THSD4: variants seen among roughly 807,000 people sequenced by gnomAD.
THSD4 encodes the protein thrombospondin type 1 domain containing 4.
In THSD4, 69 loss-of-function variants were observed where a neutral mutation model predicts 119.0. The ratio of observed to expected loss-of-function variants is 0.58; its 90% CI spans 0.48 to 0.71. THSD4 has a LOEUF of 0.71. THSD4 is among the 30% of genes least tolerant of loss of function. The pLI, the probability that THSD4 is intolerant of heterozygous loss-of-function variation, is 0.00. For synonymous variants in THSD4, 524 were observed against 540.4 expected (o/e 0.97, Z 0.42); for missense variants, 1,393 against 1,391.1 (o/e 1.00, Z -0.02).
chr15:71,396,141 T>C (rs1221991436), intron 6 of THSD4, among the ~76,000 whole-genome samples: 1 of 152,138 alleles, frequency 6.6e-6, no homozygotes, highest in Non-Finnish European at 1.5e-5. Flanking sequence ...TATCTACATA[T>C]ACATGTATAC....
chr15:71,366,559 A>C (rs2045968409), intron 6 of THSD4, among the ~76,000 whole-genome samples: 1 of 151,858 alleles, frequency 6.6e-6, no homozygotes, highest in South Asian at 2.1e-4. Flanking sequence ...CACATGTTGC[A>C]TTTTCCTCTG....
In THSD4 at chr15:71,143,518, G is replaced by A. The variant is rs561110575; in HGVS notation, c.29+1962G>A. Among the ~76,000 whole-genome samples the A allele has an allele frequency of 4.4e-4, 67 of 152,028 alleles. 2 individuals are homozygous for A. The South Asian group carries it at 0.013, about 29-fold the overall frequency. On this transcript the variant is annotated intron_variant, in intron 2 of 17. Transcript: ENST00000261862. ...AGGGCAAGCAGATTATGAAAGGTAG[G>A]TTCGCCATGTGCTAAGCTTGTGTAA... is the stretch of plus-strand genomic sequence containing the variant.
chr15:71,113,335 C>G (rs192927548), upstream of THSD4, among the ~76,000 whole-genome samples: 372 of 152,216 alleles, frequency 2.4e-3, 1 homozygote, highest in Non-Finnish European at 3.6e-3. Flanking sequence ...CTAGGTCTGT[C>G]GAATCAAGTT....
At chr15:71,644,179 G>A (rs892929906) in intron 7 of THSD4, among the ~76,000 whole-genome samples, 1 of 152,142 alleles carries the variant, frequency 6.6e-6, no homozygotes, top group African/African-American at 2.4e-5. Flanking sequence ...AACTGATTGT[G>A]GTTAAACCAG....
intron 7 of THSD4, among the ~76,000 whole-genome samples, chr15:71,501,398 G>A (rs1255240644): frequency 6.6e-6 from 1 of 152,176 alleles, no homozygotes; most frequent in Non-Finnish European, 1.5e-5. Flanking sequence ...CTAGTACATG[G>A]CAGAAGCTGG....
At chr15:71,394,050 A>C (rs1186944590) in intron 6 of THSD4, among the ~76,000 whole-genome samples, 2 of 151,542 alleles carry the variant, frequency 1.3e-5, no homozygotes, top group Non-Finnish European at 2.9e-5. Flanking sequence ...CAGGATGCCC[A>C]GTTAAATGTG....
chr15:71,297,250 C>T (rs1396723660), intron 6 of THSD4, among the ~76,000 whole-genome samples: 3 of 150,756 alleles, frequency 2.0e-5, no homozygotes, highest in African/African-American at 7.3e-5. Flanking sequence ...TTTTTGTGTG[C>T]TTATTGGCCA....
intron 7 of THSD4, among the ~76,000 whole-genome samples, chr15:71,596,925 G>A (rs1030988779): frequency 1.3e-5 from 2 of 152,194 alleles, no homozygotes; most frequent in Non-Finnish European, 2.9e-5. Context: ...GTGTGGGGAA[G>A]AAGGAAAGCA....
rs1445264368 is a variant in THSD4 at position 71,636,929 on chromosome 15, G to A, written c.1153-23601G>A. ...AGACAAGGTCTCACTCTGTCACCCA[G>A]GCTGGAGTGCAGTGGTGTGATCTCG... On this transcript the variant is annotated intron_variant, in intron 7 of 17. Transcript: ENST00000261862. Among the ~76,000 whole-genome samples, 9 of 151,496 alleles carry A rather than the reference G, an allele frequency of 5.9e-5. 1 individual carries two copies.
intron 8 of THSD4, among the ~76,000 whole-genome samples, chr15:71,665,118 A>G (rs2051391174): frequency 6.6e-6 from 1 of 152,202 alleles, no homozygotes; most frequent in Non-Finnish European, 1.5e-5. Context: ...GCAACAGTGT[A>G]TAAGTGTTTC....
chr15:71,380,597 C>T (rs1028414422), intron 6 of THSD4, among the ~76,000 whole-genome samples: 1 of 152,002 alleles, frequency 6.6e-6, no homozygotes, highest in African/African-American at 2.4e-5. Flanking sequence ...TCAAACAAAC[C>T]AAACTTCTGG....
chr15:71,132,904 A>G (rs2040516784), intron 1 of THSD4, among the ~76,000 whole-genome samples: 1 of 152,344 alleles, frequency 6.6e-6, no homozygotes, highest in East Asian at 1.9e-4. Context: ...ATTGGAAAGC[A>G]GGAAGGAAGG....
At chr15:71,734,523 A>C (rs528629338) in intron 10 of THSD4, among the ~76,000 whole-genome samples, 36 of 152,156 alleles carry the variant, frequency 2.4e-4, no homozygotes, top group Non-Finnish European at 5.0e-4. Flanking sequence ...TGGAACAGGG[A>C]GGATTTCAGG....
At chr15:71,350,428 G>A (rs1185902288) in intron 6 of THSD4, among the ~76,000 whole-genome samples, 1 of 151,914 alleles carries the variant, frequency 6.6e-6, no homozygotes, top group Non-Finnish European at 1.5e-5. Flanking sequence ...ACCCTTTACT[G>A]GGAATCAGGA....
In THSD4 at chr15:71,728,690, C is replaced by T. The variant is rs747075094; in HGVS notation, c.1499C>T (p.Ala500Val). Reference sequence around the variant, plus strand: ...AGCACTGCCGGAGAGTCCTTTTTGGCGGAAGGTCCCACCAACGAGATCTTG... The same window carrying T: ...AGCACTGCCGGAGAGTCCTTTTTGGTGGAAGGTCCCACCAACGAGATCTTG... ...ISSTAGESFL[A>V]EGPTNEILDV... is the part of the protein sequence containing the mutation. The change falls in exon 9 of 18, where the codon GCG becomes GTG. Residue 500 changes from alanine (A) to valine (V), a missense_variant. Physicochemically the swap from Ala to Val is moderately conservative, Grantham distance 64 (BLOSUM62 0). Coordinates refer to ENST00000261862, the MANE Select transcript of THSD4 (RefSeq NM_024817.3). 6.2e-6 allele frequency: 10 copies of T among 1,614,036 alleles called. No individual in the cohort carries two copies. The highest frequency in any genetic ancestry group is 2.2e-5 in the East Asian group (1 of 44,900).
At chr15:71,456,140 T>A (rs1341323888) in intron 7 of THSD4, among the ~76,000 whole-genome samples, 3 of 152,220 alleles carry the variant, frequency 2.0e-5, no homozygotes, top group African/African-American at 7.2e-5. Flanking sequence ...TCTCTTTTCC[T>A]CTTGTGGTTT....
At chr15:71,353,311 T>A (rs899376914) in intron 6 of THSD4, among the ~76,000 whole-genome samples, 1 of 152,226 alleles carries the variant, frequency 6.6e-6, no homozygotes, top group Non-Finnish European at 1.5e-5. Flanking sequence ...AGTGTAATTG[T>A]TTGATAAACA....
intron 7 of THSD4, among the ~76,000 whole-genome samples, chr15:71,437,159 C>CGA (rs1566982328): frequency 9.9e-5 from 15 of 152,006 alleles, no homozygotes; most frequent in Non-Finnish European, 2.1e-4. Context: ...AGAGCAGCAG[C>CGA]GAGAGAGAAA....
chr15:71,537,036 A>G (rs186764286), intron 7 of THSD4, among the ~76,000 whole-genome samples: 2 of 152,330 alleles, frequency 1.3e-5, no homozygotes, highest in East Asian at 1.9e-4. Flanking sequence ...GACCTCCCCT[A>G]CGGTTAGACA....
Sources: gnomAD v4.1 joint callset for allele counts (sites outside exome capture counted in the v4.1 genomes callset) on GRCh38, gnomAD v4.1.1 for gene constraint, MANE v1.5 for transcripts, NCBI Gene and HGNC (gene_info 2026-07-23, HGNC 2026-07-21) for gene names.